The following PHF20 variants were observed in gnomAD, a reference collection of about 807,000 sequenced individuals.
PHF20 encodes PHD finger protein 20, also known as glioma-expressed antigen 2.
PHF20 carries 23 observed loss-of-function variants against 113.5 expected under a neutral mutation model. The observed-to-expected ratio is 0.20, with a 90% CI of 0.15 to 0.29. PHF20 has a LOEUF of 0.29. Among genes scored for constraint, PHF20 ranks in the 10% least tolerant of loss-of-function variants. PHF20 has a pLI of 1.00. For synonymous variants in PHF20, 434 were observed against 457.3 expected, an observed-to-expected ratio of 0.95 and a Z score of 0.65; for missense variants, 943 against 1,219.6, an observed-to-expected ratio of 0.77 and a Z score of 3.38.
intron 2 of PHF20, among the ~76,000 whole-genome samples, chr20:35,819,689 CTT>C (rs1258159538): frequency 5.9e-5 from 9 of 151,466 alleles, no homozygotes; most frequent in African/African-American, 2.2e-4. Flanking sequence ...TTTAAGCAAT[CTT>C]TTCTGAGCTT....
intron 2 of PHF20, among the ~76,000 whole-genome samples, chr20:35,836,396 T>A (rs561404742): frequency 2.0e-5 from 3 of 152,306 alleles, no homozygotes; most frequent in African/African-American, 7.2e-5. Context: ...TTTTAAAAAC[T>A]TAATGTGTCA....
At chr20:35,819,219 C>G (rs2042126702) in intron 2 of PHF20, among the ~76,000 whole-genome samples, 1 of 152,180 alleles carries the variant, frequency 6.6e-6, no homozygotes, top group African/African-American at 2.4e-5. Flanking sequence ...GCGTGAACCA[C>G]TGTGCCCAGC....
At chr20:35,864,490 C>T (rs2054280074) in intron 6 of PHF20, among the ~76,000 whole-genome samples, 1 of 151,110 alleles carries the variant, frequency 6.6e-6, no homozygotes. Context: ...CAGAGCAAAC[C>T]TTTTCATTAT....
At chr20:35,928,874 T>C (rs558100434) in intron 14 of PHF20, among the ~76,000 whole-genome samples, 127 of 152,340 alleles carry the variant, frequency 8.3e-4, no homozygotes, top group African/African-American at 3.0e-3. Flanking sequence ...GTTGCCACCC[T>C]GAGCAGTGAC....
At chr20:35,836,859 A>C (rs924771615) in intron 2 of PHF20, among the ~76,000 whole-genome samples, 9 of 151,416 alleles carry the variant, frequency 5.9e-5, no homozygotes, top group East Asian at 3.9e-4. Flanking sequence ...AAAAAAAAAA[A>C]AACTTTTAAT....
rs561759421 is a variant in PHF20, at chr20:35,939,763, GT to G, written c.2712+658del. Among the ~76,000 whole-genome samples, 68 of 152,312 alleles carry G rather than the reference GT, an allele frequency of 4.5e-4. 2 individuals carry two copies. In the South Asian group the frequency reaches 0.014, roughly 32 times the overall value. On this transcript the variant is annotated intron_variant, in intron 16 of 17. Transcript: ENST00000374012. ...CAGTGAGGCTTTGTATGATTTGAGA[GT>G]TTCTCTGTCTCATCATCCTTACTTC...
chr20:35,787,833 T>G (rs551418989), intron 1 of PHF20, among the ~76,000 whole-genome samples: 1 of 152,082 alleles, frequency 6.6e-6, no homozygotes, highest in Admixed American at 6.6e-5. Flanking sequence ...CTGGCTGGAA[T>G]GCAGTGGCGC....
At chr20:35,852,960 C>T (rs191801164) in intron 4 of PHF20, among the ~76,000 whole-genome samples, 56 of 148,572 alleles carry the variant, frequency 3.8e-4, no homozygotes, top group Non-Finnish European at 7.1e-4. Flanking sequence ...TGGTGGCTGA[C>T]GCCTGTAATC....
At chr20:35,798,994 G>A (rs2041724268) in intron 1 of PHF20, among the ~76,000 whole-genome samples, 1 of 152,066 alleles carries the variant, frequency 6.6e-6, no homozygotes, top group Non-Finnish European at 1.5e-5. Flanking sequence ...GTAATATATT[G>A]CAAGCAAATT....
chr20:35,801,151 C>G (rs111685632), intron 1 of PHF20, among the ~76,000 whole-genome samples: 2 of 152,146 alleles, frequency 1.3e-5, no homozygotes, highest in Non-Finnish European at 2.9e-5. Context: ...CTTAAATAGT[C>G]GCTGAGCAAA....
At chr20:35,804,034 C>T (rs971677198) in intron 2 of PHF20, among the ~76,000 whole-genome samples, 12 of 151,654 alleles carry the variant, frequency 7.9e-5, no homozygotes, top group African/African-American at 2.9e-4. Flanking sequence ...TATGAATATA[C>T]CACATTTTGT....
chr20:35,794,259 C>T (rs2041622885), intron 1 of PHF20, among the ~76,000 whole-genome samples: 1 of 149,486 alleles, frequency 6.7e-6, no homozygotes, highest in Middle Eastern at 3.4e-3. Flanking sequence ...GAGATCGTGC[C>T]ACTGCACTCC....
chr20:35,808,496 A>T (rs1346218595), intron 2 of PHF20, among the ~76,000 whole-genome samples: 1 of 152,044 alleles, frequency 6.6e-6, no homozygotes, highest in Non-Finnish European at 1.5e-5. Flanking sequence ...AGCCTGAGTA[A>T]TGTTGAATTT....
rs2042875032 is a variant in PHF20 at position 35,858,286 on chromosome 20, T to C, written c.341-16T>C. ...GAAATTGTGAGTTAAAATCATGATA[T>C]CTTCTTGAATTTTAGGTACTTACAC... On this transcript the variant is annotated splice_polypyrimidine_tract_variant and intron_variant, in intron 4 of 17. Transcript: ENST00000374012. 2 of 1,346,646 alleles carry C rather than the reference T, an allele frequency of 1.5e-6. No individual in the cohort carries two copies. The allele number at this position is 1,346,646 out of a possible 1,614,324, so 83.4% of individuals were successfully genotyped here.
intron 2 of PHF20, among the ~76,000 whole-genome samples, chr20:35,802,425 G>A (rs1442532291): frequency 6.6e-6 from 1 of 151,826 alleles, no homozygotes; most frequent in Non-Finnish European, 1.5e-5. Flanking sequence ...TGCCTCCCAG[G>A]TTCAAGCAGT....
chr20:35,801,458 T>G, intron 1 of PHF20, 33 bp from the exon 2 acceptor site: 1 of 1,195,716 alleles, frequency 8.4e-7, no homozygotes, highest in East Asian at 2.3e-5. Context: ...GGACTTTGCC[T>G]AAGTTTCATA....
Position 35,939,077 on chromosome 20 carries a change from G to T in PHF20, c.2681G>T (p.Gly894Val), listed in dbSNP as rs750060852. 6.2e-7 allele frequency: 1 copy of T among 1,611,890 alleles called. No individual in the cohort carries two copies. Among genetic ancestry groups the T allele is most frequent in the Non-Finnish European group, 8.5e-7 (1 of 1,178,432 alleles). ...CCTCTAGACCAAGACAGGAGCAAGG[G>T]GGACAGTGACCCCAAACCCGGCTCC... ...GWPLDQDRSK[G>V]DSDPKPGSPK... Residue 894 changes from glycine to valine, a missense_variant, in exon 16 of 18, where the codon GGG becomes GTG. By Grantham distance (109) the Gly-to-Val change is moderately radical (BLOSUM62 -3). Around this residue, in one of 3 missense-constraint regions of PHF20, gnomAD observed 349 missense variants for 412.3 expected, o/e 0.85. Transcript: ENST00000374012.
intron 17 of PHF20, among the ~76,000 whole-genome samples, chr20:35,946,649 A>ATTTTT (rs1465207815): frequency 6.8e-6 from 1 of 146,392 alleles, no homozygotes; most frequent in African/African-American, 2.5e-5. Flanking sequence ...AAAGCTTTTT[A>ATTTTT]TTTTTTATTT....
chr20:35,939,254 T>C (rs1378200935), intron 16 of PHF20, 146 bp downstream of exon 16: 1 of 972,014 alleles, frequency 1.0e-6, no homozygotes, highest in Non-Finnish European at 1.5e-6. Context: ...TTTGCCAAAA[T>C]GGGTGCAAAG....
Sources: allele counts gnomAD v4.1 joint callset (sites outside exome capture counted in the v4.1 genomes callset), GRCh38; gene constraint gnomAD v4.1.1; regional missense constraint gnomAD v4.1.1; transcripts MANE v1.5; gene names NCBI Gene and HGNC (gene_info 2026-07-23, HGNC 2026-07-21).